Variants in GRM8 observed in about 807,000 individuals in gnomAD.
GRM8 encodes the protein metabotropic glutamate receptor 8.
Under a neutral mutation model 87.2 loss-of-function variants are expected in GRM8, and 47 were observed. The ratio of observed to expected loss-of-function variants is 0.54; its 90% CI spans 0.43 to 0.69. GRM8 has a LOEUF of 0.69. Among genes scored for constraint, GRM8 ranks in the 30% least tolerant of loss-of-function variants. GRM8 has a pLI of 0.00. For synonymous variants in GRM8, 396 were observed against 404.5 expected, an observed-to-expected ratio of 0.98 and a Z score of 0.25; for missense variants, 1,019 against 1,139.2, an observed-to-expected ratio of 0.89 and a Z score of 1.52.
At chr7:126,899,336 A>C (rs746097056) in intron 6 of GRM8, among the ~76,000 whole-genome samples, 2 of 152,108 alleles carry the variant, frequency 1.3e-5, no homozygotes, top group Non-Finnish European at 2.9e-5. Flanking sequence ...TGTATTTTCC[A>C]TTCATGTATC....
chr7:126,982,230 C>T (rs1480112130), intron 3 of GRM8, among the ~76,000 whole-genome samples: 1 of 152,198 alleles, frequency 6.6e-6, no homozygotes, highest in Non-Finnish European at 1.5e-5. Flanking sequence ...TATATTCTGG[C>T]CATGCTGGCA....
At chr7:126,669,953 G>C (rs1806210485) in intron 7 of GRM8, among the ~76,000 whole-genome samples, 1 of 152,034 alleles carries the variant, frequency 6.6e-6, no homozygotes, top group Non-Finnish European at 1.5e-5. Flanking sequence ...AGGTTCTCTG[G>C]GTGAACATAT....
At chr7:126,867,005 T>C (rs1204520) in intron 6 of GRM8, among the ~76,000 whole-genome samples, 97,522 of 151,976 alleles carry the variant, frequency 0.64, 31,526 homozygotes, top group African/African-American at 0.69. Context: ...TTGGGGCGTA[T>C]TATGCATAAT....
At chr7:127,201,091 A>G (rs1795561693) in intron 2 of GRM8, among the ~76,000 whole-genome samples, 1 of 152,164 alleles carries the variant, frequency 6.6e-6, no homozygotes, top group South Asian at 2.1e-4. Context: ...ATATTGCTTC[A>G]TTTGATACTC....
chr7:127,143,557 GA>G (rs369192696), intron 2 of GRM8, among the ~76,000 whole-genome samples: 43 of 152,202 alleles, frequency 2.8e-4, no homozygotes, highest in African/African-American at 8.2e-4. Context: ...ACGACCCTGT[GA>G]GGGAGAAATC....
intron 7 of GRM8, among the ~76,000 whole-genome samples, chr7:126,689,055 G>A (rs1272223587): frequency 1.3e-5 from 2 of 152,152 alleles, no homozygotes; most frequent in East Asian, 1.9e-4. Flanking sequence ...CAAATAGCCT[G>A]TCTGCAGAGT....
At chr7:127,108,029 C>T (rs542628426) in intron 2 of GRM8, among the ~76,000 whole-genome samples, 106 of 152,300 alleles carry the variant, frequency 7.0e-4, no homozygotes, top group African/African-American at 2.4e-3. Context: ...ACCCCAAATT[C>T]TTTCTGGTTC....
At position 126,439,063 on chromosome 7, in the gene GRM8, T is replaced by G. The variant is rs750755432; in HGVS notation, c.*56A>C. 1 of 1,053,742 alleles carries G rather than the reference T, an allele frequency of 9.5e-7. No individual in the cohort carries two copies. The highest frequency in any genetic ancestry group is 1.6e-5 in the African/African-American group (1 of 64,156). The allele number at this position is 1,053,742 out of a possible 1,614,324, so 65.3% of individuals were successfully genotyped here. On this transcript the variant is annotated 3_prime_UTR_variant, in exon 11 of 11. Coordinates refer to ENST00000339582, the MANE Select transcript of GRM8 (RefSeq NM_000845.3). Reference sequence around the variant, plus strand: ...CCAGGAGTGAATTTTTGCGGTCTCATGTTCATCATTTAAGATCATATACCA... The same window carrying G: ...CCAGGAGTGAATTTTTGCGGTCTCAGGTTCATCATTTAAGATCATATACCA...
Position 127,141,273 on chromosome 7 carries a change from G to C in GRM8, c.511-34561C>G, listed in dbSNP as rs1488394863. Among the ~76,000 whole-genome samples, 4 of 151,356 alleles carry C rather than the reference G, an allele frequency of 2.6e-5. No homozygotes were observed. The East Asian group carries it at 7.7e-4, about 29-fold the overall frequency. On this transcript the variant is annotated intron_variant, in intron 2 of 10. Coordinates refer to ENST00000339582, the MANE Select transcript of GRM8 (RefSeq NM_000845.3). ...CACCCACACAACTGAGGGGTTTCCA[G>C]GTCCAGATCTTGGCTCATGACATTC...
chr7:126,854,452 G>A (rs1438788452), intron 6 of GRM8, among the ~76,000 whole-genome samples: 1 of 152,150 alleles, frequency 6.6e-6, no homozygotes, highest in Non-Finnish European at 1.5e-5. Flanking sequence ...TGGAAGGCTT[G>A]TTAAAACTCA....
At chr7:126,756,735 T>C (rs974207316) in intron 7 of GRM8, among the ~76,000 whole-genome samples, 1 of 152,054 alleles carries the variant, frequency 6.6e-6, no homozygotes, top group African/African-American at 2.4e-5. Flanking sequence ...AAAAGATCAA[T>C]GGTTCCCAGA....
intron 2 of GRM8, among the ~76,000 whole-genome samples, chr7:127,119,253 C>A (rs867879621): frequency 2.6e-5 from 4 of 152,076 alleles, no homozygotes; most frequent in African/African-American, 9.7e-5. Context: ...CTTTGGGAGG[C>A]CGAGTTGGGA....
chr7:126,681,826 T>G (rs1363673353), intron 7 of GRM8, among the ~76,000 whole-genome samples: 1 of 152,238 alleles, frequency 6.6e-6, no homozygotes, highest in African/African-American at 2.4e-5. Flanking sequence ...AATGATTATG[T>G]ATCCAGGCAA....
intron 6 of GRM8, chr7:126,868,624 A>T (rs2130878425): frequency 6.6e-6 from 1 of 152,366 alleles, no homozygotes; most frequent in Non-Finnish European, 1.5e-5. Flanking sequence ...CTACCACAAT[A>T]AAGTGAGACA....
rs146491203 is a variant in GRM8, at chr7:127,106,533, G to A, written c.690C>T (p.Ser230=). The A allele has an allele frequency of 6.5e-5, 105 of 1,613,804 alleles. No individual in the cohort carries two copies. The highest frequency in any genetic ancestry group is 1.6e-4 in the South Asian group (15 of 91,060). ...TLASEGNYGE[S]GVEAFTQISR... is the part of the protein sequence containing the mutation. The stretch of plus-strand genomic sequence containing the variant: ...AGATCTGGGTGAAGGCCTCCACACC[G>A]CTCTCACCATAGTTCCCCTCAGAAG... Residue 230 remains serine, a synonymous_variant, in exon 3 of 11, where the codon AGC becomes AGT. Transcript: ENST00000339582.
chr7:126,916,509 A>G (rs1803915658), intron 3 of GRM8, among the ~76,000 whole-genome samples: 2 of 152,238 alleles, frequency 1.3e-5, no homozygotes, highest in Admixed American at 6.5e-5. Context: ...TACCTTCTGC[A>G]GATAGGACAT....
At chr7:127,168,526 C>T (rs190676663) in intron 2 of GRM8, among the ~76,000 whole-genome samples, 48 of 152,282 alleles carry the variant, frequency 3.2e-4, no homozygotes, top group Middle Eastern at 3.4e-3. Context: ...GATTATAAAT[C>T]TTTCTACTAT....
chr7:126,592,235 AC>A (rs1796741691), intron 8 of GRM8, among the ~76,000 whole-genome samples: 1 of 151,744 alleles, frequency 6.6e-6, no homozygotes, highest in Non-Finnish European at 1.5e-5. Context: ...ATTATTTAAA[AC>A]CTTAAAAAAT....
At chr7:127,004,890 G>C (rs1366148773) in intron 3 of GRM8, among the ~76,000 whole-genome samples, 1 of 151,496 alleles carries the variant, frequency 6.6e-6, no homozygotes, top group East Asian at 1.9e-4. Flanking sequence ...AAGAAGGAAA[G>C]AAAGGGATGA....
Sources: gnomAD v4.1 joint callset for allele counts (sites outside exome capture counted in the v4.1 genomes callset) on GRCh38, gnomAD v4.1.1 for gene constraint, MANE v1.5 for transcripts, NCBI Gene and HGNC (gene_info 2026-07-23, HGNC 2026-07-21) for gene names.